The following PDE4D variants were observed in gnomAD, a reference collection of about 807,000 sequenced individuals.
PDE4D encodes the protein 3',5'-cyclic-AMP phosphodiesterase 4D.
Under a neutral mutation model 87.4 loss-of-function variants are expected in PDE4D, and 24 were observed. That is an observed-to-expected ratio of 0.27 (90% CI 0.20 to 0.39). PDE4D has a LOEUF of 0.39. Among genes scored for constraint, PDE4D ranks in the 10% least tolerant of loss-of-function variants. The pLI, the probability that PDE4D is intolerant of heterozygous loss-of-function variation, is 1.00. For synonymous variants in PDE4D, 384 were observed against 383.2 expected, an observed-to-expected ratio of 1.00 and a Z score of -0.02; for missense variants, 714 against 1,041.0, an observed-to-expected ratio of 0.69 and a Z score of 4.32.
chr5:60,328,735 A>G (rs1427656957), intron 1 of PDE4D, among the ~76,000 whole-genome samples: 1 of 152,242 alleles, frequency 6.6e-6, no homozygotes, highest in Non-Finnish European at 1.5e-5. Context: ...GTAGTGAAGA[A>G]TGGCAGAATA....
upstream of PDE4D, among the ~76,000 whole-genome samples, chr5:60,492,046 C>T (rs368127655): frequency 1.3e-5 from 2 of 151,718 alleles, no homozygotes; most frequent in East Asian, 1.9e-4. Flanking sequence ...GTGGGTGCAG[C>T]GCACCAGCAT....
Position 60,181,908 on chromosome 5 carries a change from A to G in PDE4D, c.42+3649T>C, listed in dbSNP as rs1784406169. ...ACTTTAACTCCTGATTTTAAAATATATAATTACAACAAAAATTTTTATATC... is the reference window on the plus strand; with the variant it reads ...ACTTTAACTCCTGATTTTAAAATATGTAATTACAACAAAAATTTTTATATC... On this transcript the variant is annotated intron_variant, in intron 2 of 16. Coordinates refer to the PDE4D transcript ENST00000502484. Among the ~76,000 whole-genome samples the G allele has an allele frequency of 3.3e-5, 5 of 152,308 alleles. No homozygotes were observed. The South Asian group carries it at 8.3e-4, about 25-fold the overall frequency.
chr5:59,609,251 C>T (rs1474576049), intron 1 of PDE4D, among the ~76,000 whole-genome samples: 1 of 151,946 alleles, frequency 6.6e-6, no homozygotes, highest in Non-Finnish European at 1.5e-5. Context: ...TCTCAGTTCT[C>T]CCTCTTTAAG....
intron 1 of PDE4D, among the ~76,000 whole-genome samples, chr5:59,555,220 C>T (rs1384322267): frequency 6.6e-6 from 1 of 152,114 alleles, no homozygotes; most frequent in Non-Finnish European, 1.5e-5. Flanking sequence ...GAGCTAGAGG[C>T]ATTATCCTTA....
At chr5:60,519,969 C>T (rs1368089610) in intron 1 of PDE4D, among the ~76,000 whole-genome samples, 1 of 152,174 alleles carries the variant, frequency 6.6e-6, no homozygotes, top group Non-Finnish European at 1.5e-5. Context: ...CCCAGAGATT[C>T]AAAACCAATC....
At chr5:59,873,831 A>T (rs1268479947) in intron 1 of PDE4D, among the ~76,000 whole-genome samples, 1 of 152,216 alleles carries the variant, frequency 6.6e-6, no homozygotes, top group African/African-American at 2.4e-5. Context: ...ATTCTTAAAA[A>T]TCAAAAAGAG....
At chr5:59,316,967 C>T (rs1773867561) in intron 1 of PDE4D, among the ~76,000 whole-genome samples, 1 of 152,178 alleles carries the variant, frequency 6.6e-6, no homozygotes, top group East Asian at 1.9e-4. Flanking sequence ...GGAGAATTTC[C>T]AGTTCTACTC....
chr5:60,239,691 T>C (rs867310178), intron 1 of PDE4D, among the ~76,000 whole-genome samples: 1 of 152,124 alleles, frequency 6.6e-6, no homozygotes, highest in Non-Finnish European at 1.5e-5. Flanking sequence ...ATTTTTGCTG[T>C]ATTCATGGTA....
intron 2 of PDE4D, among the ~76,000 whole-genome samples, chr5:59,999,848 G>T (rs1248179291): frequency 6.6e-6 from 1 of 151,956 alleles, no homozygotes. Flanking sequence ...AATGAAATTA[G>T]GAAAATGATG....
intron 1 of PDE4D, among the ~76,000 whole-genome samples, chr5:60,343,222 A>G (rs545385457): frequency 3.1e-4 from 47 of 152,304 alleles, no homozygotes; most frequent in African/African-American, 1.1e-3. Flanking sequence ...CTTGTCATCA[A>G]TGAACTAGGT....
At chr5:59,377,074 T>C (rs244585) in intron 1 of PDE4D, among the ~76,000 whole-genome samples, 117,341 of 151,990 alleles carry the variant, frequency 0.77, 45,725 homozygotes, top group African/African-American at 0.86. Context: ...GCTATAAAAA[T>C]CCCAGAAGAC....
intron 2 of PDE4D, among the ~76,000 whole-genome samples, chr5:60,029,244 T>A (rs1410461747): frequency 6.6e-6 from 1 of 152,154 alleles, no homozygotes; most frequent in Non-Finnish European, 1.5e-5. Context: ...GGCCCCCAAA[T>A]CACTAAGCTA....
intron 1 of PDE4D, among the ~76,000 whole-genome samples, chr5:60,417,898 GA>G (rs34545833): frequency 0.16 from 22,820 of 145,794 alleles, 2,076 homozygotes; most frequent in East Asian, 0.38. Context: ...AAGAGAGAGG[GA>G]AAAAAAAAAC....
intron 1 of PDE4D, among the ~76,000 whole-genome samples, chr5:59,867,352 A>AT (rs1364643367): frequency 6.6e-6 from 1 of 152,186 alleles, no homozygotes; most frequent in Non-Finnish European, 1.5e-5. Flanking sequence ...TAAAAAAAAA[A>AT]GATTAACTTC....
At chr5:60,388,899 A>T (rs1234211563) in intron 1 of PDE4D, among the ~76,000 whole-genome samples, 1 of 152,174 alleles carries the variant, frequency 6.6e-6, no homozygotes, top group Non-Finnish European at 1.5e-5. Context: ...GACAGCTAAA[A>T]ATTCAACAAA....
At chr5:59,194,810 CTAA>C (rs1304225461) in intron 2 of PDE4D, among the ~76,000 whole-genome samples, 1 of 152,102 alleles carries the variant, frequency 6.6e-6, no homozygotes, top group Non-Finnish European at 1.5e-5. Flanking sequence ...GGTCTAAAAA[CTAA>C]TAAGTGGTAG....
chr5:60,170,490 C>T (rs1783319380), intron 2 of PDE4D, among the ~76,000 whole-genome samples: 2 of 151,926 alleles, frequency 1.3e-5, no homozygotes, highest in Non-Finnish European at 2.9e-5. Context: ...TTCTTGTCTA[C>T]AGATAATAAT....
chr5:59,457,506 A>G (rs1582697362), intron 1 of PDE4D, among the ~76,000 whole-genome samples: 1 of 152,188 alleles, frequency 6.6e-6, no homozygotes, highest in Admixed American at 6.5e-5. Flanking sequence ...CTGAAACCCA[A>G]CCTACCATAT....
At chr5:60,091,881 T>C (rs541250132) in intron 2 of PDE4D, among the ~76,000 whole-genome samples, 14 of 150,918 alleles carry the variant, frequency 9.3e-5, no homozygotes, top group Middle Eastern at 6.8e-3. Flanking sequence ...TGAAACCCCG[T>C]CTCTACTAAA....
Sources: allele counts gnomAD v4.1 joint callset (sites outside exome capture counted in the v4.1 genomes callset), GRCh38; gene constraint gnomAD v4.1.1; transcripts MANE v1.5; gene names NCBI Gene and HGNC (gene_info 2026-07-23, HGNC 2026-07-21).